CYFIP1: variants seen among roughly 807,000 people sequenced by gnomAD.
The protein encoded by CYFIP1 is cytoplasmic FMR1-interacting protein 1.
Under a neutral mutation model 163.5 loss-of-function variants are expected in CYFIP1, and 58 were observed. The observed-to-expected ratio is 0.35, with a 90% CI of 0.29 to 0.44. The LOEUF (loss-of-function observed/expected upper bound fraction) is 0.44, where lower values mean the gene tolerates loss of function less well. Among genes scored for constraint, CYFIP1 ranks in the 20% least tolerant of loss-of-function variants. The pLI, the probability that CYFIP1 is intolerant of heterozygous loss-of-function variation, is 1.00. For missense variants in CYFIP1, 1,338 were observed against 1,653.8 expected, an observed-to-expected ratio of 0.81 and a Z score of 3.31; for synonymous variants, 663 against 660.7, an observed-to-expected ratio of 1.00 and a Z score of -0.05.
chr15:22,910,733 T>C lies in CYFIP1; in HGVS notation c.2159+4A>G, dbSNP rs1382146139. Reference sequence around the variant, plus strand: ...TGTATCAAAATCACACACCAGATACTCACCTTCCTGCCATAACCTTATAAT... The same window carrying C: ...TGTATCAAAATCACACACCAGATACCCACCTTCCTGCCATAACCTTATAAT... On this transcript the variant is annotated splice_donor_region_variant and intron_variant, in intron 19 of 30. Coordinates refer to ENST00000617928, the MANE Select transcript of CYFIP1 (RefSeq NM_014608.6). 6.2e-7 allele frequency: 1 copy of C among 1,612,926 alleles called. No homozygotes were observed. Among genetic ancestry groups the C allele is most frequent in the South Asian group, 1.1e-5 (1 of 91,074 alleles).
chr15:22,911,397 G>A (rs2060783511), intron 18 of CYFIP1, among the ~76,000 whole-genome samples: 1 of 152,198 alleles, frequency 6.6e-6, no homozygotes, highest in South Asian at 2.1e-4. Context: ...GAGCTACTGT[G>A]CATTGCAGGT....
At chr15:22,970,150 G>C (rs753446536) in intron 1 of CYFIP1, among the ~76,000 whole-genome samples, 1 of 152,106 alleles carries the variant, frequency 6.6e-6, no homozygotes, top group Non-Finnish European at 1.5e-5. Context: ...GCATCCAAAA[G>C]ATGAAGAATG....
intron 1 of CYFIP1, among the ~76,000 whole-genome samples, chr15:22,952,864 C>CA (rs2062305629): frequency 6.6e-6 from 1 of 152,162 alleles, no homozygotes; most frequent in South Asian, 2.1e-4. Flanking sequence ...TTCTTTCTCC[C>CA]AGCTTCCACA....
intron 23 of CYFIP1, among the ~76,000 whole-genome samples, chr15:22,886,657 T>A (rs1173260991): frequency 2.0e-5 from 3 of 152,164 alleles, no homozygotes; most frequent in Admixed American, 2.0e-4. Flanking sequence ...CTCCATAGGA[T>A]TTCAGTTCTT....
chr15:22,916,787 C>T lies in CYFIP1; in HGVS notation c.1675-157G>A, dbSNP rs373567009. 1.4e-4 allele frequency: 218 copies of T among 1,586,208 alleles called. No homozygotes were observed. In the African/African-American group the frequency reaches 2.4e-3, roughly 17 times the overall value. On this transcript the variant is annotated intron_variant, in intron 15 of 30. Coordinates refer to ENST00000617928, the MANE Select transcript of CYFIP1 (RefSeq NM_014608.6). ...CGAGGGGTCCGGGTGCCTGTCTACG[C>T]GGCCACGTTGCTGCTGCTTTGGGGA...
At chr15:22,941,340 G>C (rs1043906364) in intron 6 of CYFIP1, among the ~76,000 whole-genome samples, 4 of 152,152 alleles carry the variant, frequency 2.6e-5, no homozygotes, top group African/African-American at 9.7e-5. Context: ...GGGATTACAG[G>C]TGTGAGCCAT....
chr15:22,882,806 C>A, intron 24 of CYFIP1, 62 bp downstream of exon 24: 2 of 1,566,894 alleles, frequency 1.3e-6, no homozygotes, highest in South Asian at 2.3e-5. Context: ...AGAAGACCCT[C>A]TGGCATGGGT....
intron 1 of CYFIP1, among the ~76,000 whole-genome samples, chr15:22,953,299 T>G (rs1288437001): frequency 6.6e-6 from 1 of 152,196 alleles, no homozygotes; most frequent in Middle Eastern, 3.2e-3. Flanking sequence ...CATCCCATCT[T>G]GTTCTCTGAC....
chr15:22,890,788 G>A (rs566429770), intron 23 of CYFIP1, among the ~76,000 whole-genome samples: 2 of 125,872 alleles, frequency 1.6e-5, no homozygotes, highest in African/African-American at 3.0e-5. Context: ...AGCGGAGGCC[G>A]CACCTGCCAA....
intron 1 of CYFIP1, among the ~76,000 whole-genome samples, chr15:22,965,708 T>C (rs1462521751): frequency 6.6e-6 from 1 of 152,188 alleles, no homozygotes; most frequent in African/African-American, 2.4e-5. Context: ...AGCACCTGTA[T>C]TTTTATCTAA....
chr15:22,889,067 A>G, intron 23 of CYFIP1, among the ~76,000 whole-genome samples: 1 of 152,256 alleles, frequency 6.6e-6, no homozygotes, highest in Non-Finnish European at 1.5e-5. Flanking sequence ...AAAAAAACAA[A>G]AAACAAAAAG....
intron 12 of CYFIP1, among the ~76,000 whole-genome samples, 188 bp downstream of exon 12, chr15:22,927,716 TAA>T (rs2061401917): frequency 1.3e-5 from 2 of 152,070 alleles, no homozygotes; most frequent in Non-Finnish European, 2.9e-5. Context: ...AGATTTTTTT[TAA>T]AAAGGAGGCC....
At chr15:22,949,160 T>C (rs972659192) in intron 1 of CYFIP1, among the ~76,000 whole-genome samples, 7 of 152,154 alleles carry the variant, frequency 4.6e-5, no homozygotes, top group African/African-American at 1.7e-4. Flanking sequence ...AAACAGATCT[T>C]GAAAACAGCA....
chr15:22,945,048 T>C lies in CYFIP1; in HGVS notation c.208-109A>G, dbSNP rs894419229. 17 of 1,036,712 alleles carry C rather than the reference T, an allele frequency of 1.6e-5. No homozygotes were observed. In the African/African-American group the frequency reaches 2.7e-4, roughly 16 times the overall value. 64.2% of individuals were successfully genotyped at this position (1,036,712 alleles called of 1,614,324 possible). ...GCGCCACAAACTATCCTAAGCACTG[T>C]GGCCTGTGTGCCAAGAGACGGCTGC... is the stretch of plus-strand genomic sequence containing the variant. On this transcript the variant is annotated intron_variant, in intron 3 of 30. Coordinates refer to ENST00000617928, the MANE Select transcript of CYFIP1 (RefSeq NM_014608.6).
chr15:22,912,776 T>C (rs2060829278), intron 17 of CYFIP1, among the ~76,000 whole-genome samples: 1 of 151,728 alleles, frequency 6.6e-6, no homozygotes, highest in African/African-American at 2.4e-5. Context: ...CAAAAAACTA[T>C]CTGGGCGTGG....
chr15:22,958,551 C>T (rs180824432), intron 1 of CYFIP1, among the ~76,000 whole-genome samples: 28 of 152,328 alleles, frequency 1.8e-4, no homozygotes, highest in East Asian at 1.5e-3. Flanking sequence ...CACGTCTCCA[C>T]GCCACATGGC....
At position 22,957,133 on chromosome 15, in the gene CYFIP1, C is replaced by G. The variant is rs944986112; in HGVS notation, c.-6-9842G>C. ...GACGCTAACTCCCGCCACTGCAGCCCGCACTGAGACAGGTGGAGAGATGCT... is the reference window on the plus strand; with the variant it reads ...GACGCTAACTCCCGCCACTGCAGCCGGCACTGAGACAGGTGGAGAGATGCT... On this transcript the variant is annotated intron_variant, in intron 1 of 30. Transcript: ENST00000617928. 2.6e-5 allele frequency among the ~76,000 whole-genome samples: 4 copies of G among 152,358 alleles called. No homozygotes were observed. In the East Asian group the frequency reaches 7.7e-4, roughly 29 times the overall value.
chr15:22,872,214 G>A (rs1245140496), intron 30 of CYFIP1, among the ~76,000 whole-genome samples: 1 of 149,890 alleles, frequency 6.7e-6, no homozygotes, highest in Non-Finnish European at 1.5e-5. Flanking sequence ...AGAATCACTT[G>A]AACCTGGGCA....
At chr15:22,894,756 T>C (rs956516889) in intron 22 of CYFIP1, among the ~76,000 whole-genome samples, 1 of 149,532 alleles carries the variant, frequency 6.7e-6, no homozygotes, top group Admixed American at 6.7e-5. Flanking sequence ...TAATATTATT[T>C]AAAATTTTAA....
Sources: gnomAD v4.1 joint callset for allele counts (sites outside exome capture counted in the v4.1 genomes callset) on GRCh38, gnomAD v4.1.1 for gene constraint, MANE v1.5 for transcripts, NCBI Gene and HGNC (gene_info 2026-07-23, HGNC 2026-07-21) for gene names.